The following C1orf87 variants were observed in gnomAD, a reference collection of about 807,000 sequenced individuals.
The protein encoded by C1orf87 is uncharacterized protein C1orf87.
C1orf87 carries 58 observed loss-of-function variants against 60.5 expected under a neutral mutation model. The observed-to-expected ratio is 0.96, with a 90% CI of 0.78 to 1.19. C1orf87 has a LOEUF of 1.19. C1orf87 is among the 50% of genes most tolerant of loss of function. The pLI, the probability that C1orf87 is intolerant of heterozygous loss-of-function variation, is 0.00. For synonymous variants in C1orf87, 236 were observed against 227.4 expected, an observed-to-expected ratio of 1.04 and a Z score of -0.34; for missense variants, 673 against 638.6, an observed-to-expected ratio of 1.05 and a Z score of -0.58.
Position 60,055,362 on chromosome 1 carries a change from T to C in C1orf87, c.184A>G (p.Ser62Gly). ...KPMTDNARQM[S>G]RDTPVPINFT... Reference sequence around the variant, plus strand: ...TTAATGGGAACTGGGGTGTCTCTGCTCATCTGCCTTGCATTATCAGTCATT... The same window carrying C: ...TTAATGGGAACTGGGGTGTCTCTGCCCATCTGCCTTGCATTATCAGTCATT... Residue 62 changes from serine to glycine, a missense_variant, in exon 3 of 12, where the codon AGC becomes GGC. By Grantham distance (56) the Ser-to-Gly change is moderately conservative. Transcript: ENST00000371201. 6.2e-7 allele frequency: 1 copy of C among 1,614,218 alleles called. No individual in the cohort carries two copies. The highest frequency in any genetic ancestry group is 8.5e-7 in the Non-Finnish European group (1 of 1,180,028).
intron 2 of C1orf87, among the ~76,000 whole-genome samples, chr1:60,057,903 A>G (rs1277727759): frequency 6.6e-6 from 1 of 152,186 alleles, no homozygotes; most frequent in Non-Finnish European, 1.5e-5. Flanking sequence ...TGTGAAATCA[A>G]TTTGAGAGCG....
chr1:59,999,252 A>T (rs1644984779), intron 10 of C1orf87, among the ~76,000 whole-genome samples: 1 of 152,190 alleles, frequency 6.6e-6, no homozygotes, highest in African/African-American at 2.4e-5. Context: ...TTGTACCCAC[A>T]TGGATGACAA....
At chr1:59,993,862 G>A (rs1445239561) in intron 11 of C1orf87, among the ~76,000 whole-genome samples, 4 of 150,296 alleles carry the variant, frequency 2.7e-5, no homozygotes, top group Non-Finnish European at 5.9e-5. Context: ...GGGTTCAAGT[G>A]ATTTTCCTGC....
intron 11 of C1orf87, among the ~76,000 whole-genome samples, chr1:59,996,225 T>C (rs1644962849): frequency 6.6e-6 from 1 of 152,220 alleles, no homozygotes; most frequent in Non-Finnish European, 1.5e-5. Flanking sequence ...TGATTACTTC[T>C]AGATGGTACT....
At chr1:59,999,568 A>G (rs536888541) in intron 10 of C1orf87, among the ~76,000 whole-genome samples, 50 of 152,262 alleles carry the variant, frequency 3.3e-4, no homozygotes, top group Non-Finnish European at 1.5e-4. Flanking sequence ...ACCACTGAAG[A>G]CAAGGAAAAG....
intron 8 of C1orf87, 115 bp downstream of exon 8, chr1:60,025,286 T>C: frequency 1.3e-6 from 1 of 759,230 alleles, no homozygotes; most frequent in South Asian, 1.8e-5. Context: ...CTAAACCTAA[T>C]CACCTCCCAA....
chr1:60,010,210 C>T lies in C1orf87; in HGVS notation c.1192+182G>A, dbSNP rs529584853. Among the ~76,000 whole-genome samples, 10 of 152,056 alleles carry T rather than the reference C, an allele frequency of 6.6e-5. No individual in the cohort carries two copies. In the South Asian group the frequency reaches 2.1e-3, roughly 32 times the overall value. The stretch of plus-strand genomic sequence containing the variant: ...ATTGTGCCTTTTATGATCCAACTGG[C>T]CTAAAAGAATAGCCATTAAGGTGAT... On this transcript the variant is annotated intron_variant, in intron 9 of 11. Coordinates refer to ENST00000371201, the MANE Select transcript of C1orf87 (RefSeq NM_152377.3).
At chr1:60,026,858 G>A (rs770921880) in intron 7 of C1orf87, among the ~76,000 whole-genome samples, 12 of 152,148 alleles carry the variant, frequency 7.9e-5, no homozygotes, top group South Asian at 4.2e-4. Context: ...CACAAACCTC[G>A]TTTCATGCAC....
In C1orf87 at chr1:60,040,064, T is replaced by C; in HGVS notation, c.600A>G (p.Lys200=). The C allele has an allele frequency of 1.9e-6, 3 of 1,614,246 alleles. No homozygotes were observed. Among genetic ancestry groups the C allele is most frequent in the Non-Finnish European group, 2.5e-6 (3 of 1,180,026 alleles). ...AGATTGGGTCCAGGATCTTCAGCTC[T>C]TTCTGAAGCTTTTCTAATAAGTTGG... ...LSSNLLEKLQ[K]ELKILDPISS... is the part of the protein sequence containing the mutation. The change falls in exon 5 of 12, where the codon AAA becomes AAG. Residue 200 remains lysine (K), a synonymous_variant. Coordinates refer to ENST00000371201, the MANE Select transcript of C1orf87 (RefSeq NM_152377.3).
intron 9 of C1orf87, among the ~76,000 whole-genome samples, chr1:60,006,895 C>T (rs1391964144): frequency 6.6e-6 from 1 of 151,342 alleles, no homozygotes; most frequent in Non-Finnish European, 1.5e-5. Context: ...ATGTTGTCAC[C>T]ATTTCCTATG....
intron 2 of C1orf87, among the ~76,000 whole-genome samples, chr1:60,071,098 T>C (rs2100339056): frequency 6.6e-6 from 1 of 152,284 alleles, no homozygotes; most frequent in Non-Finnish European, 1.5e-5. Context: ...GTGTCTTAGT[T>C]TCCTCATCTA....
chr1:60,066,789 C>T (rs1261058481), intron 2 of C1orf87, among the ~76,000 whole-genome samples: 1 of 151,982 alleles, frequency 6.6e-6, no homozygotes, highest in East Asian at 1.9e-4. Context: ...AACCTGTCAC[C>T]TACATTAGGT....
chr1:60,065,036 A>AAAATATATATTAAATATATTAT (rs1421649220), intron 2 of C1orf87, among the ~76,000 whole-genome samples: 1 of 113,470 alleles, frequency 8.8e-6, no homozygotes, highest in East Asian at 2.3e-4. Flanking sequence ...TTTAATATAT[A>AAAATATATATTAAATATATTAT]TATTTAATAA....
intron 11 of C1orf87, among the ~76,000 whole-genome samples, chr1:59,994,759 G>A (rs1421822556): frequency 6.6e-6 from 1 of 152,138 alleles, no homozygotes; most frequent in African/African-American, 2.4e-5. Flanking sequence ...ATGTGATGAT[G>A]GATGGCCTGT....
intron 9 of C1orf87, among the ~76,000 whole-genome samples, chr1:60,004,947 C>T (rs1188271462): frequency 7.1e-6 from 1 of 139,964 alleles, no homozygotes; most frequent in East Asian, 2.5e-4. Flanking sequence ...ATTACCAGTG[C>T]TCAGGCATCA....
chr1:60,064,774 A>AAT (rs1218398365), intron 2 of C1orf87, among the ~76,000 whole-genome samples: 65 of 94,230 alleles, frequency 6.9e-4, no homozygotes, highest in Non-Finnish European at 1.1e-3. Context: ...AATTATATTT[A>AAT]ATATATAAAT....
chr1:60,029,515 A>G (rs1183105765), intron 7 of C1orf87, among the ~76,000 whole-genome samples: 1 of 151,874 alleles, frequency 6.6e-6, no homozygotes, highest in South Asian at 2.1e-4. Context: ...CCTACTTTCC[A>G]TTCTAAAGTT....
chr1:60,064,717 A>C (rs1645526728), intron 2 of C1orf87, among the ~76,000 whole-genome samples: 1 of 99,068 alleles, frequency 1.0e-5, no homozygotes, highest in Non-Finnish European at 1.8e-5. Flanking sequence ...AATATATATA[A>C]ATATATTTAA....
intron 2 of C1orf87, among the ~76,000 whole-genome samples, chr1:60,068,053 G>C (rs545775424): frequency 6.6e-6 from 1 of 152,154 alleles, no homozygotes; most frequent in East Asian, 1.9e-4. Flanking sequence ...TGTTATTTCT[G>C]AGGCCTCTGT....
Sources: allele counts gnomAD v4.1 joint callset (sites outside exome capture counted in the v4.1 genomes callset), GRCh38; gene constraint gnomAD v4.1.1; transcripts MANE v1.5; gene names NCBI Gene and HGNC (gene_info 2026-07-23, HGNC 2026-07-21).